Variants in PLD5 observed in about 807,000 individuals in gnomAD.
PLD5 encodes the protein phospholipase D family member 5.
PLD5 carries 36 observed loss-of-function variants against 61.1 expected under a neutral mutation model. That is an observed-to-expected ratio of 0.59 (90% confidence interval 0.45 to 0.78). The LOEUF (loss-of-function observed/expected upper bound fraction) is 0.78. Ranked by LOEUF, PLD5 falls within the 30% of genes least tolerant of loss-of-function variation. The pLI is 0.00. For missense variants in PLD5, 515 were observed against 644.4 expected (o/e 0.80, Z 2.17); for synonymous variants, 243 against 242.8 (o/e 1.00, Z -0.01).
At chr1:242,437,980 T>A (rs1666082651) in intron 1 of PLD5, among the ~76,000 whole-genome samples, 1 of 152,152 alleles carries the variant, frequency 6.6e-6, no homozygotes, top group Non-Finnish European at 1.5e-5. Context: ...ACCTCTTCCT[T>A]TCATTTTAAA....
intron 2 of PLD5, among the ~76,000 whole-genome samples, chr1:242,299,875 T>A (rs1675927455): frequency 6.6e-6 from 1 of 152,242 alleles, no homozygotes; most frequent in Non-Finnish European, 1.5e-5. Flanking sequence ...AAATCCATGA[T>A]GAGCTCTCCA....
Position 242,247,638 on chromosome 1 carries a change from C to T in PLD5, c.607+17699G>A, listed in dbSNP as rs191547838. Among the ~76,000 whole-genome samples, 199 of 152,284 alleles carry T rather than the reference C, an allele frequency of 1.3e-3. 2 individuals carry two copies. In the Middle Eastern group the frequency reaches 0.017, roughly 13 times the overall value. On this transcript the variant is annotated intron_variant, in intron 4 of 9. Coordinates refer to ENST00000536534, the MANE Select transcript of PLD5 (RefSeq NM_001372062.1). ...GAGGACATGAGTTGTGTCTGACCTC[C>T]GTTCTCATCACAGCCAATAACTCAG...
chr1:242,107,941 T>C (rs1170375127), intron 7 of PLD5, 102 bp from the exon 8 acceptor site: 15 of 1,107,218 alleles, frequency 1.4e-5, no homozygotes, highest in Middle Eastern at 2.1e-4. Context: ...ATCATTACTT[T>C]ATCCTGTAAT....
At chr1:242,389,648 C>A (rs1009633334) in intron 1 of PLD5, among the ~76,000 whole-genome samples, 2 of 151,884 alleles carry the variant, frequency 1.3e-5, no homozygotes, top group Non-Finnish European at 2.9e-5. Context: ...AATTCCTATA[C>A]CCTTCCTTGG....
In PLD5 at chr1:242,188,196, G is replaced by T. The variant is rs993140802; in HGVS notation, c.735+31792C>A. ...TTAGAAATCAACTGGATCACAGAGC[G>T]GCAAGAGGGAGGGCGGGAGAGAGAA... On this transcript the variant is annotated intron_variant, in intron 5 of 9. Coordinates refer to ENST00000536534, the MANE Select transcript of PLD5 (RefSeq NM_001372062.1). Among the ~76,000 whole-genome samples, 7 of 152,276 alleles carry T rather than the reference G, an allele frequency of 4.6e-5. 1 individual carries two copies. The South Asian group carries it at 1.5e-3, about 32-fold the overall frequency.
chr1:242,190,942 A>G (rs760428870), intron 5 of PLD5, among the ~76,000 whole-genome samples: 10 of 152,134 alleles, frequency 6.6e-5, no homozygotes, highest in Non-Finnish European at 1.3e-4. Context: ...AATCTGTGAT[A>G]TGCCAGAGGA....
At position 242,167,102 on chromosome 1, in the gene PLD5, AT is replaced by A. The variant is rs1393319160; in HGVS notation, c.736-42438del. ...AGTAATAATAATAATAATAATAATA[AT>A]AATAATAATAATAAATAGTAGCCAT... is the stretch of plus-strand genomic sequence containing the variant. On this transcript the variant is annotated intron_variant, in intron 5 of 9. Transcript: ENST00000536534. 8.1e-3 allele frequency among the ~76,000 whole-genome samples: 1,187 copies of A among 146,862 alleles called. 23 individuals carry two copies. Among genetic ancestry groups the A allele is most frequent in the African/African-American group, 0.027 (1,107 of 40,600 alleles).
intron 4 of PLD5, among the ~76,000 whole-genome samples, chr1:242,242,884 T>C (rs1415190669): frequency 6.6e-6 from 1 of 152,258 alleles, no homozygotes; most frequent in Non-Finnish European, 1.5e-5. Context: ...AAGTTGACAG[T>C]TGAATGTGTA....
intron 3 of PLD5, among the ~76,000 whole-genome samples, chr1:242,269,919 T>C (rs1574643478): frequency 6.6e-6 from 1 of 152,108 alleles, no homozygotes; most frequent in East Asian, 1.9e-4. Flanking sequence ...GCCAAAGGGG[T>C]CTATTTTGAG....
chr1:242,149,763 TAG>T (rs1218991631), intron 5 of PLD5, among the ~76,000 whole-genome samples: 1 of 151,278 alleles, frequency 6.6e-6, no homozygotes, highest in East Asian at 1.9e-4. Context: ...GTTATGGCCA[TAG>T]AGTTATTCAT....
At chr1:242,347,473 G>C (rs1424934863) in intron 2 of PLD5, among the ~76,000 whole-genome samples, 6 of 152,174 alleles carry the variant, frequency 3.9e-5, no homozygotes, top group Non-Finnish European at 8.8e-5. Context: ...GCAGCTCAAA[G>C]AAGAGTTTGA....
At chr1:242,162,574 G>A (rs772138173) in intron 5 of PLD5, among the ~76,000 whole-genome samples, 2 of 152,084 alleles carry the variant, frequency 1.3e-5, no homozygotes, top group Non-Finnish European at 2.9e-5. Context: ...CAACCTTAAT[G>A]TATTAAAAAA....
At chr1:242,434,168 T>C (rs1172891350) in intron 1 of PLD5, among the ~76,000 whole-genome samples, 1 of 152,136 alleles carries the variant, frequency 6.6e-6, no homozygotes, top group African/African-American at 2.4e-5. Context: ...GTTACCATAG[T>C]GTAGGCAGAA....
At chr1:242,526,129 G>A (rs550056950), upstream of PLD5, among the ~76,000 whole-genome samples, 11 of 152,314 alleles carry the variant, frequency 7.2e-5, no homozygotes, top group African/African-American at 2.4e-4. Context: ...AAGGCCAGGC[G>A]GAGTGGCTCA....
At chr1:242,508,946 T>C (rs1668816960) in intron 1 of PLD5, among the ~76,000 whole-genome samples, 1 of 152,090 alleles carries the variant, frequency 6.6e-6, no homozygotes. Context: ...CCAGGCATGG[T>C]GGTGCATGCC....
intron 1 of PLD5, among the ~76,000 whole-genome samples, chr1:242,412,537 T>G (rs1229787952): frequency 6.6e-6 from 1 of 152,236 alleles, no homozygotes; most frequent in African/African-American, 2.4e-5. Flanking sequence ...GTTCTTAATT[T>G]TGTCATTTCA....
In PLD5 at chr1:242,180,109, G is replaced by A. The variant is rs141792599; in HGVS notation, c.735+39879C>T. On this transcript the variant is annotated intron_variant, in intron 5 of 9. Transcript: ENST00000536534. The stretch of plus-strand genomic sequence containing the variant: ...AGGGTAGTGAGTGGTACACACAGGC[G>A]TTGGGATCAGGCTGACCAAGGTGGG... 3.3e-3 allele frequency among the ~76,000 whole-genome samples: 506 copies of A among 152,264 alleles called. 2 individuals carry two copies. Among genetic ancestry groups the A allele is most frequent in the African/African-American group, 0.011 (453 of 41,540 alleles).
At chr1:242,499,913 C>T (rs973654551) in intron 1 of PLD5, among the ~76,000 whole-genome samples, 10 of 152,296 alleles carry the variant, frequency 6.6e-5, no homozygotes, top group East Asian at 3.9e-4. Flanking sequence ...TTTTCACTCA[C>T]ATGTCCAGAA....
chr1:242,425,643 T>TG (rs1249798545), intron 1 of PLD5, among the ~76,000 whole-genome samples: 1 of 128,970 alleles, frequency 7.8e-6, no homozygotes, highest in Non-Finnish European at 1.6e-5. Flanking sequence ...CTGTAACTTT[T>TG]TTTTTTTTTT....
Sources: gnomAD v4.1 joint callset for allele counts (sites outside exome capture counted in the v4.1 genomes callset) on GRCh38, gnomAD v4.1.1 for gene constraint, MANE v1.5 for transcripts, NCBI Gene and HGNC (gene_info 2026-07-23, HGNC 2026-07-21) for gene names.